The following CSMD1 variants were observed in gnomAD, a reference collection of about 807,000 sequenced individuals.
The protein encoded by CSMD1 is CUB and Sushi multiple domains 1.
Under a neutral mutation model 417.5 loss-of-function variants are expected in CSMD1, and 213 were observed. The ratio of observed to expected loss-of-function variants is 0.51; its 90% CI spans 0.46 to 0.57. The LOEUF (loss-of-function observed/expected upper bound fraction) is 0.57. CSMD1 is among the 20% of genes least tolerant of loss of function. The pLI, the probability that CSMD1 is intolerant of heterozygous loss-of-function variation, is 0.00. For missense variants in CSMD1, 6,923 were observed against 4,529.7 expected (o/e 1.53, Z -15.17); for synonymous variants, 2,862 against 1,736.8 (o/e 1.65, Z -16.11).
At position 4,261,895 on chromosome 8, in the gene CSMD1, T is replaced by A. The variant is rs142050317; in HGVS notation, c.415+158058A>T. ...GACAAAATGTGTTAAAAAGTAGATG[T>A]GGAACTTAATCCAAATATAAATAAA... is the stretch of plus-strand genomic sequence containing the variant. On this transcript the variant is annotated intron_variant, in intron 3 of 69. Transcript: ENST00000635120. 3.5e-3 allele frequency among the ~76,000 whole-genome samples: 532 copies of A among 152,312 alleles called. 2 individuals are homozygous for A. Among genetic ancestry groups the A allele is most frequent in the Middle Eastern group, 0.027 (8 of 294 alleles).
chr8:3,163,029 G>T (rs992074628), intron 37 of CSMD1, among the ~76,000 whole-genome samples: 12 of 152,114 alleles, frequency 7.9e-5, no homozygotes, highest in African/African-American at 2.9e-4. Flanking sequence ...ACCATATTTT[G>T]TAGAATCAAA....
chr8:4,354,058 T>G (rs111514666), intron 3 of CSMD1, among the ~76,000 whole-genome samples: 1 of 152,204 alleles, frequency 6.6e-6, no homozygotes, highest in South Asian at 2.1e-4. Context: ...TGCAGCTATA[T>G]ATCATTTCAG....
chr8:3,981,240 G>C (rs1813837096), intron 5 of CSMD1, among the ~76,000 whole-genome samples: 1 of 152,116 alleles, frequency 6.6e-6, no homozygotes, highest in African/African-American at 2.4e-5. Flanking sequence ...AAGTAACTCA[G>C]GCGTTGAAAA....
chr8:3,850,344 A>G (rs1332560063), intron 5 of CSMD1, among the ~76,000 whole-genome samples: 3 of 147,644 alleles, frequency 2.0e-5, no homozygotes, highest in Non-Finnish European at 4.6e-5. Flanking sequence ...GACTCTTTCT[A>G]CTATCCTTGC....
rs1223194493 is a variant in CSMD1 at position 4,099,613 on chromosome 8, T to TAA, written c.416-67516_416-67515dup. On this transcript the variant is annotated intron_variant, in intron 3 of 69. Transcript: ENST00000635120. ...CTGTTCTTCAAAACCATCCCCCAATTAAAAAAAAAAAACCTCACTTTCTTG... is the reference window on the plus strand; with the variant it reads ...CTGTTCTTCAAAACCATCCCCCAATTAAAAAAAAAAAAAACCTCACTTTCTTG... Among the ~76,000 whole-genome samples, 785 of 143,218 alleles carry TAA rather than the reference T, an allele frequency of 5.5e-3. 6 individuals are homozygous for TAA. Among genetic ancestry groups the TAA allele is most frequent in the African/African-American group, 0.019 (749 of 39,354 alleles). 94.0% of individuals were successfully genotyped at this position (143,218 alleles called of 152,430 possible). A position where few individuals can be genotyped will look rare whatever the true frequency, so the allele number is the denominator to read the frequency against.
chr8:3,853,573 A>T (rs559452511), intron 5 of CSMD1, among the ~76,000 whole-genome samples: 3 of 152,228 alleles, frequency 2.0e-5, no homozygotes, highest in Non-Finnish European at 4.4e-5. Flanking sequence ...GATTATGAAA[A>T]AAATAAGTTA....
chr8:4,398,041 ATC>A (rs1351597262), intron 3 of CSMD1, among the ~76,000 whole-genome samples: 3 of 152,212 alleles, frequency 2.0e-5, no homozygotes, highest in Non-Finnish European at 2.9e-5. Flanking sequence ...CTAACTTGGT[ATC>A]TCTCTAGAAA....
intron 3 of CSMD1, among the ~76,000 whole-genome samples, chr8:4,353,941 G>A (rs933391743): frequency 1.3e-5 from 2 of 152,072 alleles, no homozygotes; most frequent in Non-Finnish European, 2.9e-5. Context: ...GGTATATTAG[G>A]GAACTTCATC....
At chr8:2,951,409 C>A (rs1222453807) in intron 65 of CSMD1, 134 bp from the exon 66 acceptor site, 3 of 884,558 alleles carry the variant, frequency 3.4e-6, no homozygotes, top group African/African-American at 3.4e-5. Context: ...CAAGAGGAGC[C>A]TAGTGCATCG....
At chr8:3,645,956 A>C (rs768879504) in intron 7 of CSMD1, among the ~76,000 whole-genome samples, 5 of 152,174 alleles carry the variant, frequency 3.3e-5, no homozygotes, top group African/African-American at 4.8e-5. Flanking sequence ...GTATCATAAA[A>C]TAATTAAATT....
chr8:3,752,172 C>G (rs1361109050), intron 6 of CSMD1, among the ~76,000 whole-genome samples: 1 of 152,088 alleles, frequency 6.6e-6, no homozygotes, highest in African/African-American at 2.4e-5. Flanking sequence ...CACAAGATAA[C>G]GGCAGATATG....
chr8:3,311,770 A>G (rs1339737414), intron 23 of CSMD1, among the ~76,000 whole-genome samples: 1 of 150,546 alleles, frequency 6.6e-6, no homozygotes, highest in Non-Finnish European at 1.5e-5. Context: ...TTCTGATTGT[A>G]CAGAAGCGTT....
intron 3 of CSMD1, among the ~76,000 whole-genome samples, chr8:4,228,472 T>C (rs1356934672): frequency 6.6e-6 from 1 of 152,024 alleles, no homozygotes; most frequent in African/African-American, 2.4e-5. Context: ...ACCACACAGC[T>C]TCCACTGTAT....
intron 6 of CSMD1, among the ~76,000 whole-genome samples, chr8:3,730,454 G>C (rs537093407): frequency 2.0e-5 from 3 of 148,610 alleles, no homozygotes; most frequent in Non-Finnish European, 3.0e-5. Flanking sequence ...AAAGACTGCT[G>C]TCTAAGAAGG....
At chr8:3,974,848 G>C (rs141890328) in intron 5 of CSMD1, among the ~76,000 whole-genome samples, 3 of 151,964 alleles carry the variant, frequency 2.0e-5, no homozygotes, top group Non-Finnish European at 2.9e-5. Context: ...ACCAGAGTAA[G>C]ATATAAAATC....
At chr8:4,774,397 G>T (rs1007947770) in intron 1 of CSMD1, among the ~76,000 whole-genome samples, 2 of 152,072 alleles carry the variant, frequency 1.3e-5, no homozygotes, top group Non-Finnish European at 2.9e-5. Flanking sequence ...CCCACCTCCA[G>T]TTGGAAACAT....
intron 3 of CSMD1, among the ~76,000 whole-genome samples, chr8:4,171,037 C>G (rs924983442): frequency 6.6e-6 from 1 of 151,866 alleles, no homozygotes; most frequent in Non-Finnish European, 1.5e-5. Context: ...GCAGAATGCA[C>G]CGATCTCTCC....
chr8:4,482,895 T>C (rs527721864), intron 2 of CSMD1, among the ~76,000 whole-genome samples: 5 of 152,190 alleles, frequency 3.3e-5, no homozygotes, highest in Admixed American at 1.3e-4. Flanking sequence ...GGGGCATGTA[T>C]GTAAAATTTT....
At chr8:3,070,219 G>A (rs1270161951) in intron 49 of CSMD1, among the ~76,000 whole-genome samples, 6 of 152,172 alleles carry the variant, frequency 3.9e-5, no homozygotes, top group African/African-American at 1.4e-4. Flanking sequence ...CATTGTTTTG[G>A]AATATTAGCA....
Sources: allele counts gnomAD v4.1 joint callset (sites outside exome capture counted in the v4.1 genomes callset), GRCh38; gene constraint gnomAD v4.1.1; transcripts MANE v1.5; gene names NCBI Gene and HGNC (gene_info 2026-07-23, HGNC 2026-07-21).